The following RMDN2 variants were observed in gnomAD, a reference collection of about 807,000 sequenced individuals.
The protein encoded by RMDN2 is regulator of microtubule dynamics 2.
RMDN2 carries 61 observed loss-of-function variants against 52.8 expected under a neutral mutation model. That is an observed-to-expected ratio of 1.16 (90% confidence interval 0.94 to 1.43). RMDN2 has a LOEUF of 1.43. Ranked by LOEUF, RMDN2 falls within the 40% of genes most tolerant of loss-of-function variation. The pLI is 0.00. For missense variants in RMDN2, 592 were observed against 475.3 expected, an observed-to-expected ratio of 1.25 and a Z score of -2.28; for synonymous variants, 180 against 153.1, an observed-to-expected ratio of 1.18 and a Z score of -1.30.
chr2:38,064,209 G>C (rs549643288), intron 10 of RMDN2, among the ~76,000 whole-genome samples: 1 of 152,274 alleles, frequency 6.6e-6, no homozygotes, highest in African/African-American at 2.4e-5. Flanking sequence ...AGAAGAAACT[G>C]AGATTAGGGG....
At chr2:37,940,056 A>C (rs1667649276) in intron 2 of RMDN2, among the ~76,000 whole-genome samples, 1 of 152,046 alleles carries the variant, frequency 6.6e-6, no homozygotes, top group African/African-American at 2.4e-5. Context: ...TTCCTTCAGG[A>C]GCTCTTGTAA....
intron 2 of RMDN2, among the ~76,000 whole-genome samples, chr2:37,937,179 G>A (rs550611366): frequency 1.3e-5 from 2 of 152,180 alleles, no homozygotes; most frequent in South Asian, 2.1e-4. Context: ...CCCTATTGCT[G>A]TTTTTGTCAG....
intron 8 of RMDN2, among the ~76,000 whole-genome samples, chr2:38,000,056 T>C (rs1676107102): frequency 6.6e-6 from 1 of 152,234 alleles, no homozygotes; most frequent in Admixed American, 6.5e-5. Flanking sequence ...TAAAAATCAA[T>C]GTTAGCTACT....
chr2:38,046,066 C>T (rs1681254747), intron 10 of RMDN2, among the ~76,000 whole-genome samples: 1 of 152,210 alleles, frequency 6.6e-6, no homozygotes, highest in African/African-American at 2.4e-5. Flanking sequence ...AAACTGCACA[C>T]ATACCCAAGG....
intron 5 of RMDN2, among the ~76,000 whole-genome samples, chr2:37,987,224 CA>C (rs1674140659): frequency 6.6e-6 from 1 of 151,706 alleles, no homozygotes; most frequent in East Asian, 1.9e-4. Flanking sequence ...ACATTAGCAC[CA>C]AAAATATTGA....
chr2:38,010,403 G>C (rs182504951), intron 10 of RMDN2, among the ~76,000 whole-genome samples: 1 of 152,160 alleles, frequency 6.6e-6, no homozygotes, highest in Non-Finnish European at 1.5e-5. Flanking sequence ...CTCAAGCCTC[G>C]GCAATGGCTC....
intron 10 of RMDN2, among the ~76,000 whole-genome samples, chr2:38,061,666 C>G (rs964600938): frequency 6.6e-6 from 1 of 151,842 alleles, no homozygotes; most frequent in South Asian, 2.1e-4. Context: ...CACACATATA[C>G]CACTTATAAT....
intron 7 of RMDN2, among the ~76,000 whole-genome samples, chr2:37,996,772 G>C (rs1675610213): frequency 1.3e-5 from 2 of 152,104 alleles, no homozygotes. Context: ...TTTATATTTG[G>C]GGAAAGAGCA....
chr2:38,042,546 G>T (rs191580619), intron 10 of RMDN2, among the ~76,000 whole-genome samples: 1 of 150,122 alleles, frequency 6.7e-6, no homozygotes, highest in East Asian at 2.0e-4. Flanking sequence ...GCTTTCTTCC[G>T]GCTTATATTG....
At chr2:38,033,805 A>G (rs80339560) in intron 10 of RMDN2, among the ~76,000 whole-genome samples, 14,342 of 152,270 alleles carry the variant, frequency 0.094, 924 homozygotes, top group African/African-American at 0.18. Context: ...GGAATTCATG[A>G]GATTCCTCCC....
intron 10 of RMDN2, among the ~76,000 whole-genome samples, chr2:38,050,105 C>T (rs1391972443): frequency 6.6e-6 from 1 of 152,106 alleles, no homozygotes; most frequent in African/African-American, 2.4e-5. Flanking sequence ...CACAAATTCC[C>T]ACATTTCTAC....
chr2:37,989,721 G>A, intron 6 of RMDN2, 105 bp downstream of exon 6: 1 of 677,310 alleles, frequency 1.5e-6, no homozygotes, highest in Non-Finnish European at 2.4e-6. Flanking sequence ...CCATCAATGG[G>A]TATAAACCAG....
chr2:37,959,395 C>T lies in RMDN2; in HGVS notation c.453-14645C>T, dbSNP rs189644627. 1.3e-5 allele frequency among the ~76,000 whole-genome samples: 2 copies of T among 150,916 alleles called. 1 individual carries two copies. The highest frequency in any genetic ancestry group is 5.0e-5 in the African/African-American group (2 of 40,270). Reference sequence around the variant, plus strand: ...TTTAGTCTTGGGAGGGTGTGTGTGTCCAGGAATTTATCCATTTCTTGTAGA... The same window carrying T: ...TTTAGTCTTGGGAGGGTGTGTGTGTTCAGGAATTTATCCATTTCTTGTAGA... On this transcript the variant is annotated intron_variant, in intron 2 of 10. Coordinates refer to ENST00000354545, the MANE Select transcript of RMDN2 (RefSeq NM_001170791.3).
downstream of RMDN2, among the ~76,000 whole-genome samples, chr2:38,018,880 GCACGCA>G (rs1229735637): frequency 1.3e-5 from 2 of 152,126 alleles, no homozygotes; most frequent in Non-Finnish European, 2.9e-5. Flanking sequence ...GGGTGCACAT[GCACGCA>G]CACGCACACA....
At chr2:37,924,806 G>A (rs1183900357), upstream of RMDN2, among the ~76,000 whole-genome samples, 3 of 152,244 alleles carry the variant, frequency 2.0e-5, no homozygotes, top group African/African-American at 7.2e-5. Flanking sequence ...AGAAGGAAGA[G>A]GCTGTCAAAA....
At chr2:38,035,879 C>G (rs190603124) in intron 10 of RMDN2, 2 of 152,272 alleles carry the variant, frequency 1.3e-5, no homozygotes, top group African/African-American at 4.8e-5. Flanking sequence ...ACAACCGTAT[C>G]TGGACACAGA....
intron 10 of RMDN2, among the ~76,000 whole-genome samples, chr2:38,005,145 G>A (rs1327663603): frequency 1.3e-5 from 2 of 152,162 alleles, no homozygotes; most frequent in African/African-American, 4.8e-5. Context: ...TGTGAATAGT[G>A]CTGCTATAAA....
rs1674464860 is a variant in RMDN2, at chr2:37,989,421, G to A, written c.792-120G>A. The A allele has an allele frequency of 5.9e-6, 4 of 675,404 alleles. No individual in the cohort carries two copies. The South Asian group carries it at 7.3e-5, about 12-fold the overall frequency. 41.8% of individuals were successfully genotyped at this position (675,404 alleles called of 1,614,324 possible). ...ATTGTTAGGGCCCTTATATTTATAT[G>A]AATACTCCTGTTAAATATGAATGAA... On this transcript the variant is annotated intron_variant, in intron 5 of 10. Transcript: ENST00000354545.
chr2:37,932,315 C>G (rs1359531709), intron 2 of RMDN2, among the ~76,000 whole-genome samples: 2 of 151,818 alleles, frequency 1.3e-5, no homozygotes, highest in Non-Finnish European at 2.9e-5. Context: ...ACATCTTGCA[C>G]CGCCCTTAAT....
Sources: allele counts gnomAD v4.1 joint callset (sites outside exome capture counted in the v4.1 genomes callset), GRCh38; gene constraint gnomAD v4.1.1; transcripts MANE v1.5; gene names NCBI Gene and HGNC (gene_info 2026-07-23, HGNC 2026-07-21).